Variants in FGF12 observed in about 807,000 individuals in gnomAD.
The protein encoded by FGF12 is fibroblast growth factor 12, also known as fibroblast growth factor 12B.
FGF12 carries 14 observed loss-of-function variants against 23.6 expected under a neutral mutation model. The observed-to-expected ratio is 0.59, with a 90% CI of 0.39 to 0.93. The LOEUF is 0.93. FGF12 is among the 40% of genes least tolerant of loss of function. FGF12 has a pLI of 0.00. For synonymous variants in FGF12, 62 were observed against 77.3 expected (o/e 0.80, Z 1.04); for missense variants, 175 against 217.8 (o/e 0.80, Z 1.24).
intron 2 of FGF12, among the ~76,000 whole-genome samples, chr3:192,517,294 CA>C (rs1298495534): frequency 1.3e-5 from 2 of 152,180 alleles, no homozygotes; most frequent in African/African-American, 2.4e-5. Context: ...ATTATCTTTG[CA>C]ACATAAGGTG....
chr3:192,617,345 G>A (rs931795787), intron 2 of FGF12, among the ~76,000 whole-genome samples: 11 of 152,040 alleles, frequency 7.2e-5, no homozygotes, highest in Non-Finnish European at 2.9e-5. Flanking sequence ...GAGGTTGGAG[G>A]ATCAAGTTTT....
intron 2 of FGF12, among the ~76,000 whole-genome samples, chr3:192,498,837 T>C (rs948702889): frequency 2.6e-5 from 4 of 152,246 alleles, no homozygotes; most frequent in African/African-American, 9.6e-5. Context: ...ATCTCTATCA[T>C]GTTATCCCAG....
In FGF12 at chr3:192,140,177, A is replaced by G. The variant is rs185285446; in HGVS notation, c.*3832T>C. ...CACAAATCAAATAAAAACTCATATAATATATCCTTATTTCAGAAGCATATG... is the reference window on the plus strand; with the variant it reads ...CACAAATCAAATAAAAACTCATATAGTATATCCTTATTTCAGAAGCATATG... On this transcript the variant is annotated 3_prime_UTR_variant, in exon 6 of 6. Transcript: ENST00000445105. The G allele has an allele frequency of 1.3e-5, 2 of 152,016 alleles. No individual in the cohort carries two copies. Among genetic ancestry groups the G allele is most frequent in the Non-Finnish European group, 2.9e-5 (2 of 67,910 alleles). The allele number at this position is 152,016 out of a possible 1,614,324, so 9.4% of individuals were successfully genotyped here.
chr3:192,448,988 T>C (rs1324318424), intron 2 of FGF12, among the ~76,000 whole-genome samples: 1 of 152,216 alleles, frequency 6.6e-6, no homozygotes, highest in Non-Finnish European at 1.5e-5. Flanking sequence ...TTAATTACAG[T>C]GAATCATAAC....
chr3:192,705,381 G>T (rs149046739), intron 2 of FGF12, among the ~76,000 whole-genome samples: 1 of 152,294 alleles, frequency 6.6e-6, no homozygotes, highest in South Asian at 2.1e-4. Context: ...AGAAAGATGG[G>T]GAACAGACAG....
intron 2 of FGF12, among the ~76,000 whole-genome samples, chr3:192,442,778 A>T (rs1722237331): frequency 6.6e-6 from 1 of 151,694 alleles, no homozygotes; most frequent in African/African-American, 2.4e-5. Flanking sequence ...TTGTTTTCAG[A>T]TAGAGAAATG....
chr3:192,363,519 G>C (rs1718836909), intron 2 of FGF12, among the ~76,000 whole-genome samples: 1 of 152,072 alleles, frequency 6.6e-6, no homozygotes, highest in Non-Finnish European at 1.5e-5. Context: ...TGTGATATGT[G>C]AAAATGAACA....
chr3:192,343,797 A>G (rs1717815769), intron 3 of FGF12, among the ~76,000 whole-genome samples: 1 of 152,172 alleles, frequency 6.6e-6, no homozygotes. Flanking sequence ...AAAACTAGGG[A>G]TTCATAGAAT....
intron 2 of FGF12, among the ~76,000 whole-genome samples, chr3:192,590,894 T>G (rs934243180): frequency 6.6e-6 from 1 of 151,910 alleles, no homozygotes; most frequent in Admixed American, 6.6e-5. Flanking sequence ...CTTGCTGTTC[T>G]TGACATAAAC....
rs1251291617 is a variant in FGF12, at chr3:192,506,783, A to C, written c.14-146245T>G. Among the ~76,000 whole-genome samples, 5 of 152,276 alleles carry C rather than the reference A, an allele frequency of 3.3e-5. 1 individual carries two copies. The South Asian group carries it at 1.0e-3, about 32-fold the overall frequency. On this transcript the variant is annotated intron_variant, in intron 2 of 5. Transcript: ENST00000445105. ...TTGGCCACAAAGAGTCTGTTCTAAC[A>C]GCCGTATGATCTCCATTTTAACAAT...
At chr3:192,435,386 G>C (rs905047609) in intron 2 of FGF12, among the ~76,000 whole-genome samples, 20 of 152,142 alleles carry the variant, frequency 1.3e-4, no homozygotes, top group African/African-American at 4.8e-4. Context: ...AGAGACAGGA[G>C]AGCTTAGCAA....
intron 5 of FGF12, among the ~76,000 whole-genome samples, chr3:192,167,000 A>T (rs751756363): frequency 6.6e-6 from 1 of 152,102 alleles, no homozygotes; most frequent in Non-Finnish European, 1.5e-5. Context: ...AATAACATAA[A>T]GTAAAAACAC....
At chr3:192,314,499 G>C (rs1018642669) in intron 4 of FGF12, among the ~76,000 whole-genome samples, 2 of 152,094 alleles carry the variant, frequency 1.3e-5, no homozygotes, top group African/African-American at 4.8e-5. Flanking sequence ...GTTATCTGGG[G>C]ATTTAAGAGC....
At position 192,664,594 on chromosome 3, in the gene FGF12, C is replaced by CAAAAAAAAAAAAA. The variant is rs1482447213; in HGVS notation, c.13+62586_13+62587insTTTTTTTTTTTTT. On this transcript the variant is annotated intron_variant, in intron 2 of 5. Coordinates refer to ENST00000445105, the MANE Select transcript of FGF12 (RefSeq NM_004113.6). ...TGAAACCCTGTCTCTACTAAAAATA[C>CAAAAAAAAAAAAA]AAAAAAAATACAAAAAAAAAAAAAA... Among the ~76,000 whole-genome samples, 102 of 97,006 alleles carry CAAAAAAAAAAAAA rather than the reference C, an allele frequency of 1.1e-3. 15 individuals are homozygous for CAAAAAAAAAAAAA. Among genetic ancestry groups the CAAAAAAAAAAAAA allele is most frequent in the African/African-American group, 2.0e-3 (47 of 23,040 alleles). 63.6% of individuals were successfully genotyped at this position (97,006 alleles called of 152,430 possible).
Position 192,310,353 on chromosome 3 carries a change from ATATT to A in FGF12, c.228+25004_228+25007del, listed in dbSNP as rs2108671179. 1.3e-5 allele frequency among the ~76,000 whole-genome samples: 2 copies of A among 152,340 alleles called. 1 individual carries two copies. Among genetic ancestry groups the A allele is most frequent in the East Asian group, 3.9e-4 (2 of 5,180 alleles). On this transcript the variant is annotated intron_variant, in intron 4 of 5. Transcript: ENST00000445105. ...CATAAAATGTATGAACTAAAGATAA[ATATT>A]TAATTATAGAAAGTATGTCTTCATG...
At chr3:192,263,080 A>G (rs1712862954) in intron 4 of FGF12, among the ~76,000 whole-genome samples, 1 of 152,078 alleles carries the variant, frequency 6.6e-6, no homozygotes, top group African/African-American at 2.4e-5. Context: ...CTATTTAAGC[A>G]TAGGATTTCT....
At chr3:192,709,223 G>T (rs1041088702) in intron 2 of FGF12, among the ~76,000 whole-genome samples, 1 of 152,114 alleles carries the variant, frequency 6.6e-6, no homozygotes, top group Non-Finnish European at 1.5e-5. Context: ...ATACTAACCT[G>T]TACAAATAAG....
intron 2 of FGF12, among the ~76,000 whole-genome samples, chr3:192,662,774 C>T (rs1260295506): frequency 6.6e-6 from 1 of 152,180 alleles, no homozygotes; most frequent in East Asian, 1.9e-4. Context: ...CATTTTGAGT[C>T]AGAGTCTTAT....
intron 4 of FGF12, among the ~76,000 whole-genome samples, chr3:192,329,954 T>A (rs1717022145): frequency 6.6e-6 from 1 of 152,168 alleles, no homozygotes; most frequent in African/African-American, 2.4e-5. Flanking sequence ...CATTAAGAAC[T>A]TTTTATTTAC....
Sources: allele counts gnomAD v4.1 joint callset (sites outside exome capture counted in the v4.1 genomes callset), GRCh38; gene constraint gnomAD v4.1.1; transcripts MANE v1.5; gene names NCBI Gene and HGNC (gene_info 2026-07-23, HGNC 2026-07-21).